The following TNS1 variants were observed in gnomAD, a reference collection of about 807,000 sequenced individuals.
TNS1 encodes the protein tensin 1.
TNS1 carries 62 observed loss-of-function variants against 168.6 expected under a neutral mutation model. The observed-to-expected ratio is 0.37, with a 90% CI of 0.30 to 0.45. The LOEUF is 0.45. Ranked by LOEUF, TNS1 falls within the 20% of genes least tolerant of loss-of-function variation. The pLI is 1.00. For synonymous variants in TNS1, 934 were observed against 933.2 expected (o/e 1.00, Z -0.02); for missense variants, 2,240 against 2,339.4 (o/e 0.96, Z 0.88).
chr2:217,924,070 C>T (rs576494392), intron 3 of TNS1, among the ~76,000 whole-genome samples: 1 of 152,200 alleles, frequency 6.6e-6, no homozygotes, highest in South Asian at 2.1e-4. Flanking sequence ...TCTCCCTCTT[C>T]GTTCTATGCT....
intron 22 of TNS1, 78 bp from the exon 23 acceptor site, chr2:217,822,016 G>C: frequency 7.1e-7 from 1 of 1,400,272 alleles, no homozygotes; most frequent in South Asian, 1.4e-5. Context: ...ACCTCCCCTG[G>C]AACACAGCTT....
chr2:217,810,252 C>T lies in TNS1; in HGVS notation c.5100G>A (p.Gly1700=). 1 of 1,613,992 alleles carries T rather than the reference C, an allele frequency of 6.2e-7. No homozygotes were observed. Among genetic ancestry groups the T allele is most frequent in the Non-Finnish European group, 8.5e-7 (1 of 1,180,008 alleles). The change falls in exon 29 of 33, where the codon GGG becomes GGA. Residue 1700 remains glycine (G), a synonymous_variant. Transcript: ENST00000682258. ...CAGTTTCAGGTGACCACTCACCTGC[C>T]CCTTGTTTCAGCAGGTCTGCAGTTG... ...ANSTADLLKQ[G]AACNVLFVNS... is the part of the protein sequence containing the mutation.
upstream of TNS1, chr2:218,010,458 G>C (rs532331838): frequency 5.6e-6 from 2 of 354,984 alleles, no homozygotes; most frequent in Non-Finnish European, 1.0e-5. Context: ...CGGGCAGCAG[G>C]GGGCTTACAC....
chr2:217,900,421 C>A, intron 7 of TNS1, 42 bp downstream of exon 7: 1 of 1,532,254 alleles, frequency 6.5e-7, no homozygotes, highest in South Asian at 1.2e-5. Context: ...AGTGACCCCC[C>A]TGCTTGCACT....
intron 5 of TNS1, among the ~76,000 whole-genome samples, chr2:217,906,733 C>T (rs1051705372): frequency 6.6e-6 from 1 of 152,166 alleles, no homozygotes; most frequent in Non-Finnish European, 1.5e-5. Flanking sequence ...CCCATGATTT[C>T]CTGCTGGCCA....
chr2:217,953,114 T>C (rs1002056057), intron 3 of TNS1, among the ~76,000 whole-genome samples: 6 of 152,170 alleles, frequency 3.9e-5, no homozygotes, highest in African/African-American at 1.4e-4. Context: ...CGTCTGTTCC[T>C]AATGTCCATG....
intron 3 of TNS1, among the ~76,000 whole-genome samples, chr2:217,926,510 CTG>C (rs1956034148): frequency 6.6e-6 from 1 of 152,184 alleles, no homozygotes; most frequent in African/African-American, 2.4e-5. Context: ...GGGAAGGAAA[CTG>C]GGGTTTGTAG....
At chr2:217,902,794 G>C (rs776911491) in intron 6 of TNS1, among the ~76,000 whole-genome samples, 17 of 152,288 alleles carry the variant, frequency 1.1e-4, no homozygotes, top group Non-Finnish European at 2.1e-4. Flanking sequence ...GATGGGGGAC[G>C]AACAGCTGGG....
chr2:217,863,527 T>C (rs1948988291), intron 18 of TNS1, among the ~76,000 whole-genome samples: 1 of 152,122 alleles, frequency 6.6e-6, no homozygotes, highest in East Asian at 1.9e-4. Context: ...GGCCCTGAGC[T>C]AGACTGAGGG....
At chr2:217,983,942 T>G (rs1054364653) in intron 2 of TNS1, among the ~76,000 whole-genome samples, 8 of 152,222 alleles carry the variant, frequency 5.3e-5, no homozygotes, top group African/African-American at 1.9e-4. Context: ...ATTTTTTAGA[T>G]GAGATTCACA....
chr2:217,846,659 G>T (rs1946688460), intron 19 of TNS1, among the ~76,000 whole-genome samples: 1 of 152,200 alleles, frequency 6.6e-6, no homozygotes. Flanking sequence ...TGTGGAATGG[G>T]CATAGGCTTA....
intron 3 of TNS1, among the ~76,000 whole-genome samples, chr2:217,946,197 AG>A (rs1957101000): frequency 6.6e-6 from 1 of 152,126 alleles, no homozygotes; most frequent in Non-Finnish European, 1.5e-5. Flanking sequence ...TCAATTCAGA[AG>A]CCATCCTCCC....
chr2:217,954,335 A>G (rs911898768), intron 3 of TNS1, among the ~76,000 whole-genome samples: 2 of 152,180 alleles, frequency 1.3e-5, no homozygotes, highest in Non-Finnish European at 1.5e-5. Flanking sequence ...GTCAGCCAGA[A>G]AGAGACTGCC....
chr2:217,993,301 ATC>A (rs1958411380), intron 1 of TNS1, among the ~76,000 whole-genome samples: 1 of 152,250 alleles, frequency 6.6e-6, no homozygotes, highest in Non-Finnish European at 1.5e-5. Context: ...TACTTACGTC[ATC>A]TCCAAGCACC....
intron 22 of TNS1, among the ~76,000 whole-genome samples, chr2:217,826,957 CAT>C (rs1386886796): frequency 2.0e-5 from 3 of 152,142 alleles, no homozygotes; most frequent in African/African-American, 7.2e-5. Flanking sequence ...AAAATCAAGA[CAT>C]GTGGGTGGGA....
chr2:217,859,928 A>G (rs796335559), intron 18 of TNS1, among the ~76,000 whole-genome samples: 9 of 152,296 alleles, frequency 5.9e-5, no homozygotes, highest in African/African-American at 2.2e-4. Flanking sequence ...TTATTTGCAT[A>G]TCAATTGAAT....
intron 3 of TNS1, among the ~76,000 whole-genome samples, chr2:217,921,371 C>T (rs535856764): frequency 1.3e-5 from 2 of 152,210 alleles, no homozygotes; most frequent in South Asian, 4.1e-4. Context: ...CCTCCCCACC[C>T]ACCAGCCCGG....
intron 12 of TNS1, among the ~76,000 whole-genome samples, chr2:217,887,853 G>T (rs142036682): frequency 6.6e-6 from 1 of 152,212 alleles, no homozygotes; most frequent in South Asian, 2.1e-4. Context: ...CTTCTGCGTC[G>T]ATTGGTCGGC....
intron 2 of TNS1, among the ~76,000 whole-genome samples, chr2:217,980,879 C>T (rs944858062): frequency 1.3e-5 from 2 of 152,192 alleles, no homozygotes; most frequent in Non-Finnish European, 2.9e-5. Context: ...AGCACCCCAT[C>T]GTTCCCTGGA....
Sources: gnomAD v4.1 joint callset for allele counts (sites outside exome capture counted in the v4.1 genomes callset) on GRCh38, gnomAD v4.1.1 for gene constraint, MANE v1.5 for transcripts, NCBI Gene and HGNC (gene_info 2026-07-23, HGNC 2026-07-21) for gene names.